NCK2: variants seen among roughly 807,000 people sequenced by gnomAD.
NCK2 encodes the protein cytoplasmic protein NCK2.
A neutral mutation model predicts 33.9 loss-of-function variants in NCK2; 16 were observed. The ratio of observed to expected loss-of-function variants is 0.47; its 90% CI spans 0.32 to 0.72. The LOEUF (loss-of-function observed/expected upper bound fraction) is 0.72. NCK2 is among the 30% of genes least tolerant of loss of function. NCK2 has a pLI of 0.03. For synonymous variants in NCK2, 273 were observed against 239.9 expected, an observed-to-expected ratio of 1.14 and a Z score of -1.27; for missense variants, 418 against 537.3, an observed-to-expected ratio of 0.78 and a Z score of 2.19.
chr2:105,852,261 C>T (rs1160676907), intron 2 of NCK2, among the ~76,000 whole-genome samples: 3 of 152,112 alleles, frequency 2.0e-5, no homozygotes, highest in African/African-American at 4.8e-5. Context: ...GTGGCAGGTG[C>T]GCATCACTGC....
intron 3 of NCK2, among the ~76,000 whole-genome samples, chr2:105,856,010 A>G (rs1214792767): frequency 6.6e-6 from 1 of 151,902 alleles, no homozygotes; most frequent in Admixed American, 6.6e-5. Flanking sequence ...AATTTTTTGT[A>G]TTTTTAGTAG....
intron 1 of NCK2, among the ~76,000 whole-genome samples, chr2:105,811,447 C>T (rs961748941): frequency 1.3e-5 from 2 of 152,176 alleles, no homozygotes; most frequent in African/African-American, 4.8e-5. Flanking sequence ...CACCTGCCAG[C>T]AATAACTTAA....
upstream of NCK2, among the ~76,000 whole-genome samples, chr2:105,744,738 C>T (rs7564056): frequency 0.12 from 18,322 of 150,316 alleles, 1,420 homozygotes; most frequent in Admixed American, 0.24. Context: ...CCAGGTGGGT[C>T]TCGGGTCCCC....
At chr2:105,856,120 C>T (rs1250704355) in intron 3 of NCK2, among the ~76,000 whole-genome samples, 1 of 151,520 alleles carries the variant, frequency 6.6e-6, no homozygotes, top group African/African-American at 2.4e-5. Flanking sequence ...AGGCGTGAGC[C>T]ACCGTGCCCG....
chr2:105,795,886 A>T (rs954825375), intron 1 of NCK2, among the ~76,000 whole-genome samples: 3 of 152,114 alleles, frequency 2.0e-5, no homozygotes, highest in Non-Finnish European at 2.9e-5. Context: ...AGTCTTTTTC[A>T]GTAAAACTAG....
intron 3 of NCK2, among the ~76,000 whole-genome samples, chr2:105,878,030 G>A (rs1193650039): frequency 6.6e-6 from 1 of 152,226 alleles, no homozygotes; most frequent in Admixed American, 6.5e-5. Flanking sequence ...TGCTCCCATG[G>A]AAGAGTGTTT....
At chr2:105,834,204 C>T (rs1175468981) in intron 2 of NCK2, among the ~76,000 whole-genome samples, 1 of 152,126 alleles carries the variant, frequency 6.6e-6, no homozygotes, top group Non-Finnish European at 1.5e-5. Flanking sequence ...TGATTTTCTG[C>T]CTGGATGATC....
At chr2:105,767,156 G>A (rs1689978768) in intron 1 of NCK2, among the ~76,000 whole-genome samples, 1 of 152,190 alleles carries the variant, frequency 6.6e-6, no homozygotes, top group African/African-American at 2.4e-5. Context: ...ACCCCCGTCT[G>A]TGTTTATCTC....
At position 105,753,066 on chromosome 2, in the gene NCK2, A is replaced by G. The variant is rs1689503227; in HGVS notation, c.-201+7928A>G. ...CTGCCATGTCTTAGGTTCCACAGCT[A>G]GACTCTGACCAAGCTAGCCACCATC... On this transcript the variant is annotated intron_variant, in intron 1 of 4. Transcript: ENST00000233154. Among the ~76,000 whole-genome samples, 5 of 152,256 alleles carry G rather than the reference A, an allele frequency of 3.3e-5. No homozygotes were observed. In the South Asian group the frequency reaches 1.0e-3, roughly 32 times the overall value.
intron 1 of NCK2, among the ~76,000 whole-genome samples, chr2:105,787,015 G>A (rs904908893): frequency 2.0e-5 from 3 of 152,248 alleles, no homozygotes; most frequent in Admixed American, 2.0e-4. Context: ...TCAATGGGGT[G>A]AGCATGTGCC....
chr2:105,882,107 G>T, intron 4 of NCK2, 58 bp downstream of exon 4: 1 of 1,447,068 alleles, frequency 6.9e-7, no homozygotes. Flanking sequence ...TTGCGCGGTG[G>T]GTCTGTGTGC....
At chr2:105,757,864 C>G (rs1558823126) in intron 1 of NCK2, among the ~76,000 whole-genome samples, 1 of 152,202 alleles carries the variant, frequency 6.6e-6, no homozygotes, top group Non-Finnish European at 1.5e-5. Flanking sequence ...CTCTTCAGTG[C>G]ACAGGCAACT....
intron 2 of NCK2, among the ~76,000 whole-genome samples, chr2:105,829,885 T>C (rs755114773): frequency 2.6e-5 from 4 of 151,774 alleles, no homozygotes; most frequent in African/African-American, 4.9e-5. Flanking sequence ...CAACAAGATT[T>C]GTCTCTTTCA....
At chr2:105,814,393 G>T (rs1003037968) in intron 1 of NCK2, among the ~76,000 whole-genome samples, 5 of 152,190 alleles carry the variant, frequency 3.3e-5, no homozygotes, top group Non-Finnish European at 7.4e-5. Flanking sequence ...CCTCACTTTT[G>T]TTGGAGCTGC....
intron 1 of NCK2, among the ~76,000 whole-genome samples, chr2:105,758,292 CATCA>C (rs1430686856): frequency 6.6e-6 from 1 of 152,008 alleles, no homozygotes; most frequent in Non-Finnish European, 1.5e-5. Context: ...GAATATTGCA[CATCA>C]ATCCTGTGCA....
intron 1 of NCK2, among the ~76,000 whole-genome samples, chr2:105,813,756 A>G (rs1214437203): frequency 6.6e-6 from 1 of 152,218 alleles, no homozygotes; most frequent in Non-Finnish European, 1.5e-5. Flanking sequence ...TAGTGGAAAA[A>G]AAGCAAATTT....
At chr2:105,804,242 G>C (rs1674948034) in intron 1 of NCK2, among the ~76,000 whole-genome samples, 1 of 152,192 alleles carries the variant, frequency 6.6e-6, no homozygotes. Context: ...AGCTGAAGTT[G>C]ATCATTTCAA....
chr2:105,802,817 GGC>G (rs1460401047), intron 1 of NCK2, among the ~76,000 whole-genome samples: 7 of 151,826 alleles, frequency 4.6e-5, no homozygotes, highest in Non-Finnish European at 1.5e-5. Flanking sequence ...CACATACATG[GGC>G]CATGGATGAT....
At chr2:105,882,768 A>G (rs1678560517) in intron 4 of NCK2, among the ~76,000 whole-genome samples, 1 of 152,202 alleles carries the variant, frequency 6.6e-6, no homozygotes, top group African/African-American at 2.4e-5. Context: ...TGTGAAGGAA[A>G]TACTCGACCA....
Sources: allele counts gnomAD v4.1 joint callset (sites outside exome capture counted in the v4.1 genomes callset), GRCh38; gene constraint gnomAD v4.1.1; transcripts MANE v1.5; gene names NCBI Gene and HGNC (gene_info 2026-07-23, HGNC 2026-07-21).